Variants in NRG1 observed in about 807,000 individuals in gnomAD.
NRG1 encodes the protein pro-neuregulin-1, membrane-bound isoform.
A neutral mutation model predicts 63.8 loss-of-function variants in NRG1; 18 were observed. The ratio of observed to expected loss-of-function variants is 0.28; its 90% CI spans 0.19 to 0.42. The LOEUF (loss-of-function observed/expected upper bound fraction) is 0.42. NRG1 is among the 10% of genes least tolerant of loss of function. The pLI is 1.00. For synonymous variants in NRG1, 302 were observed against 301.3 expected, an observed-to-expected ratio of 1.00 and a Z score of -0.02; for missense variants, 762 against 814.7, an observed-to-expected ratio of 0.94 and a Z score of 0.79.
chr8:31,884,028 A>G (rs1192539741), intron 1 of NRG1, among the ~76,000 whole-genome samples: 1 of 152,022 alleles, frequency 6.6e-6, no homozygotes, highest in Non-Finnish European at 1.5e-5. Flanking sequence ...TGATCAGTAA[A>G]TGTTTTGATT....
chr8:31,982,606 G>C (rs1440300684), intron 1 of NRG1, among the ~76,000 whole-genome samples: 1 of 152,038 alleles, frequency 6.6e-6, no homozygotes. Context: ...TGACTCGGGA[G>C]AGGCAGGTAG....
chr8:32,687,405 C>T (rs1326397985), intron 5 of NRG1, among the ~76,000 whole-genome samples: 2 of 152,146 alleles, frequency 1.3e-5, no homozygotes, highest in Non-Finnish European at 2.9e-5. Context: ...CTTCTGAAGT[C>T]ACTTGAAGTT....
chr8:32,195,386 C>T (rs1842860571), intron 1 of NRG1, among the ~76,000 whole-genome samples: 1 of 149,498 alleles, frequency 6.7e-6, no homozygotes, highest in Non-Finnish European at 1.5e-5. Context: ...CTGCAGTTAG[C>T]ATTGCTTGTG....
At chr8:31,920,457 A>G (rs1833808304) in intron 1 of NRG1, among the ~76,000 whole-genome samples, 1 of 152,164 alleles carries the variant, frequency 6.6e-6, no homozygotes, top group African/African-American at 2.4e-5. Context: ...ACCAAAATCT[A>G]AAACACATTG....
chr8:32,719,372 G>A (rs1373520377), intron 5 of NRG1, among the ~76,000 whole-genome samples: 2 of 151,866 alleles, frequency 1.3e-5, no homozygotes, highest in African/African-American at 4.8e-5. Context: ...CACTTCAGCC[G>A]TTATCAGTTT....
chr8:31,731,327 A>G (rs1239697921), intron 1 of NRG1, among the ~76,000 whole-genome samples: 1 of 152,130 alleles, frequency 6.6e-6, no homozygotes, highest in African/African-American at 2.4e-5. Flanking sequence ...TTAAGAAGAT[A>G]TCATGAAACT....
At chr8:32,407,347 C>G (rs1214485094) in intron 1 of NRG1, among the ~76,000 whole-genome samples, 24 of 121,742 alleles carry the variant, frequency 2.0e-4, no homozygotes, top group African/African-American at 6.2e-4. Context: ...AACCATATAT[C>G]TATTAGTAGC....
At chr8:31,668,192 G>A (rs561593633) in intron 1 of NRG1, among the ~76,000 whole-genome samples, 2 of 152,294 alleles carry the variant, frequency 1.3e-5, no homozygotes, top group East Asian at 3.9e-4. Flanking sequence ...GAATGTAGTG[G>A]AATTGGATAA....
intron 5 of NRG1, among the ~76,000 whole-genome samples, chr8:32,725,616 C>T (rs1281077691): frequency 1.3e-5 from 2 of 151,436 alleles, no homozygotes; most frequent in Admixed American, 6.6e-5. Context: ...GTTGGGATTA[C>T]AGGGGCACGC....
chr8:32,423,409 T>C (rs1587557104), intron 1 of NRG1, among the ~76,000 whole-genome samples: 1 of 152,152 alleles, frequency 6.6e-6, no homozygotes, highest in Admixed American at 6.5e-5. Flanking sequence ...TTCAAAGATA[T>C]AGGGTCAGCA....
intron 1 of NRG1, among the ~76,000 whole-genome samples, chr8:32,091,348 A>G (rs11776959): frequency 0.49 from 74,518 of 151,978 alleles, 20,983 homozygotes; most frequent in Admixed American, 0.62. Flanking sequence ...GTGCTAACAA[A>G]GCAACATTCA....
At chr8:32,713,651 G>A (rs1343832631) in intron 5 of NRG1, among the ~76,000 whole-genome samples, 4 of 146,518 alleles carry the variant, frequency 2.7e-5, no homozygotes, top group Non-Finnish European at 4.5e-5. Context: ...TCTGTTTTCT[G>A]TAGATATTGC....
intron 5 of NRG1, among the ~76,000 whole-genome samples, chr8:32,693,171 G>T (rs957636184): frequency 6.6e-6 from 1 of 151,756 alleles, no homozygotes; most frequent in Non-Finnish European, 1.5e-5. Context: ...ATTTTAGCCA[G>T]TGGCTCTGAG....
chr8:32,303,390 G>A (rs1274494021), intron 1 of NRG1, among the ~76,000 whole-genome samples: 2 of 151,910 alleles, frequency 1.3e-5, no homozygotes, highest in Non-Finnish European at 1.5e-5. Flanking sequence ...ATCTTAAAAT[G>A]ACTTAACACA....
chr8:31,688,512 C>T (rs2131107627), intron 1 of NRG1, among the ~76,000 whole-genome samples: 1 of 152,186 alleles, frequency 6.6e-6, no homozygotes, highest in South Asian at 2.1e-4. Context: ...TAGATCCGCC[C>T]AAATGGACAA....
chr8:32,486,090 G>C (rs1441950785), intron 1 of NRG1, among the ~76,000 whole-genome samples: 2 of 151,858 alleles, frequency 1.3e-5, no homozygotes, highest in South Asian at 4.1e-4. Context: ...CCCTCCCCAT[G>C]CCTGGCTAAT....
chr8:31,764,835 C>G (rs1030053882), intron 1 of NRG1, among the ~76,000 whole-genome samples: 1 of 151,214 alleles, frequency 6.6e-6, no homozygotes, highest in African/African-American at 2.4e-5. Flanking sequence ...GTGCACTGCA[C>G]CCACTAACTC....
intron 1 of NRG1, among the ~76,000 whole-genome samples, chr8:32,127,616 A>G (rs1048888886): frequency 6.6e-6 from 1 of 151,536 alleles, no homozygotes; most frequent in African/African-American, 2.4e-5. Flanking sequence ...AGACTGCATT[A>G]TCAATAGAGT....
At chr8:32,426,711 A>T (rs1213873727) in intron 1 of NRG1, among the ~76,000 whole-genome samples, 1 of 152,146 alleles carries the variant, frequency 6.6e-6, no homozygotes, top group African/African-American at 2.4e-5. Flanking sequence ...CAACACACAA[A>T]GCATATGCCC....
Sources: allele counts gnomAD v4.1 joint callset (sites outside exome capture counted in the v4.1 genomes callset), GRCh38; gene constraint gnomAD v4.1.1; transcripts MANE v1.5; gene names NCBI Gene and HGNC (gene_info 2026-07-23, HGNC 2026-07-21).